BMP6: variants seen among roughly 807,000 people sequenced by gnomAD.
BMP6 encodes the protein VG-1-R.
A neutral mutation model predicts 54.1 loss-of-function variants in BMP6; 17 were observed. That is an observed-to-expected ratio of 0.31 (90% CI 0.22 to 0.47). The LOEUF (loss-of-function observed/expected upper bound fraction) is 0.47, where lower values mean the gene tolerates loss of function less well. BMP6 is among the 20% of genes least tolerant of loss of function. BMP6 has a pLI of 1.00. For missense variants in BMP6, 720 were observed against 690.4 expected (o/e 1.04, Z -0.48); for synonymous variants, 328 against 291.2 (o/e 1.13, Z -1.28).
chr6:7,821,042 C>T (rs1297721363), intron 1 of BMP6, among the ~76,000 whole-genome samples: 2 of 152,262 alleles, frequency 1.3e-5, no homozygotes, highest in African/African-American at 4.8e-5. Flanking sequence ...AGGGCACAGG[C>T]CAGTGCCTCG....
intron 1 of BMP6, among the ~76,000 whole-genome samples, chr6:7,769,351 C>T (rs1757747270): frequency 6.6e-6 from 1 of 152,192 alleles, no homozygotes; most frequent in Non-Finnish European, 1.5e-5. Context: ...AGTTACACCC[C>T]ATCCAAATCA....
chr6:7,809,122 A>G (rs998561621), intron 1 of BMP6, among the ~76,000 whole-genome samples: 3 of 147,420 alleles, frequency 2.0e-5, no homozygotes, highest in Admixed American at 1.4e-4. Context: ...CCCCCCAAAA[A>G]AAAAACGCTT....
rs542897943 is a variant in BMP6 at position 7,880,601 on chromosome 6, T to C, written c.*258T>C. The C allele has an allele frequency of 6.0e-6, 3 of 500,170 alleles. No homozygotes were observed. The highest frequency in any genetic ancestry group is 1.1e-5 in the Non-Finnish European group (3 of 281,282). The allele number at this position is 500,170 out of a possible 1,614,324, so 31.0% of individuals were successfully genotyped here. On this transcript the variant is annotated 3_prime_UTR_variant, in exon 7 of 7. Transcript: ENST00000283147. ...ATAAGGTCTGGTAACTGCAGAAACA[T>C]AACCGTGAAGCTCTTCCTACCCTCC...
rs186946446 is a variant in BMP6 at position 7,773,933 on chromosome 6, G to A, written c.664+46314G>A. On this transcript the variant is annotated intron_variant, in intron 1 of 6. Transcript: ENST00000283147. ...ATAATGGCATTTTATCCACTTGGTC[G>A]TTATTCCCTGGGAATGTATGAAAGG... Among the ~76,000 whole-genome samples the A allele has an allele frequency of 2.3e-3, 357 of 152,246 alleles. 2 individuals carry two copies. The highest frequency in any genetic ancestry group is 7.9e-3 in the African/African-American group (329 of 41,534).
chr6:7,869,476 G>T (rs1759485463), intron 4 of BMP6, among the ~76,000 whole-genome samples: 1 of 152,230 alleles, frequency 6.6e-6, no homozygotes, highest in South Asian at 2.1e-4. Context: ...CAGTGCATGT[G>T]CCGCTGCCTG....
chr6:7,809,248 G>C (rs893568627), intron 1 of BMP6, among the ~76,000 whole-genome samples: 23 of 152,216 alleles, frequency 1.5e-4, no homozygotes, highest in African/African-American at 4.6e-4. Flanking sequence ...TAAACTCATT[G>C]GAATGAGTGG....
chr6:7,852,656 C>T (rs1759162795), intron 2 of BMP6, among the ~76,000 whole-genome samples: 1 of 152,182 alleles, frequency 6.6e-6, no homozygotes, highest in South Asian at 2.1e-4. Flanking sequence ...AGCCCCTCTT[C>T]CTTGGTGGAC....
intron 1 of BMP6, among the ~76,000 whole-genome samples, chr6:7,778,012 C>T (rs376168630): frequency 2.9e-4 from 44 of 152,208 alleles, no homozygotes; most frequent in African/African-American, 8.7e-4. Context: ...ATTACCTGTT[C>T]GTTCAGAAGT....
intron 1 of BMP6, among the ~76,000 whole-genome samples, chr6:7,759,985 G>A (rs542941921): frequency 1.3e-5 from 2 of 151,328 alleles, no homozygotes; most frequent in South Asian, 2.1e-4. Flanking sequence ...GATTACAGGT[G>A]TGAGCCACTA....
intron 4 of BMP6, among the ~76,000 whole-genome samples, chr6:7,863,253 C>T (rs942542251): frequency 6.6e-6 from 1 of 152,216 alleles, no homozygotes; most frequent in African/African-American, 2.4e-5. Flanking sequence ...CCACCTTGGC[C>T]TCCCAAAGTG....
chr6:7,834,897 T>C (rs2113240577), intron 1 of BMP6, among the ~76,000 whole-genome samples: 1 of 152,284 alleles, frequency 6.6e-6, no homozygotes, highest in South Asian at 2.1e-4. Context: ...CTAAAACAAA[T>C]GGCAGAGAGG....
Position 7,861,443 on chromosome 6 carries a change from T to C in BMP6, c.858-8T>C, listed in dbSNP as rs1759333288. 1 of 1,613,174 alleles carries C rather than the reference T, an allele frequency of 6.2e-7. No individual in the cohort carries two copies. Among genetic ancestry groups the C allele is most frequent in the Non-Finnish European group, 8.5e-7 (1 of 1,179,662 alleles). On this transcript the variant is annotated splice_region_variant and splice_polypyrimidine_tract_variant and intron_variant, in intron 2 of 6. Transcript: ENST00000283147. The stretch of plus-strand genomic sequence containing the variant: ...GCTATTTACCAGGCCATTTTTTCTT[T>C]CTTTCAGAGACTCTGACCTGTTTTT...
At chr6:7,819,766 C>G (rs902824840) in intron 1 of BMP6, among the ~76,000 whole-genome samples, 1 of 152,164 alleles carries the variant, frequency 6.6e-6, no homozygotes, top group East Asian at 1.9e-4. Context: ...TTTCCATCTT[C>G]CAGCTGGAGT....
intron 1 of BMP6, among the ~76,000 whole-genome samples, chr6:7,763,279 A>G (rs1412491052): frequency 1.3e-5 from 2 of 152,170 alleles, no homozygotes; most frequent in Non-Finnish European, 2.9e-5. Flanking sequence ...ATACCCCTTT[A>G]CTTTGAAACA....
At chr6:7,813,355 C>T (rs191037529) in intron 1 of BMP6, among the ~76,000 whole-genome samples, 9 of 137,424 alleles carry the variant, frequency 6.5e-5, no homozygotes, top group South Asian at 2.3e-4. Flanking sequence ...GATATGATGG[C>T]GTATACCTGT....
chr6:7,843,298 A>T (rs540199422), intron 1 of BMP6, among the ~76,000 whole-genome samples: 1 of 152,162 alleles, frequency 6.6e-6, no homozygotes, highest in South Asian at 2.1e-4. Flanking sequence ...AATCTAAAAA[A>T]TGTGTTGTGT....
intron 1 of BMP6, among the ~76,000 whole-genome samples, chr6:7,815,183 G>A (rs1036295717): frequency 1.3e-5 from 2 of 152,118 alleles, no homozygotes; most frequent in Non-Finnish European, 2.9e-5. Flanking sequence ...CAAGCTATTA[G>A]AGTCATTACT....
At position 7,879,088 on chromosome 6, in the gene BMP6, G is replaced by C; in HGVS notation, c.1219G>C (p.Glu407Gln). 6.2e-7 allele frequency: 1 copy of C among 1,614,190 alleles called. No homozygotes were observed. The highest frequency in any genetic ancestry group is 1.3e-5 in the African/African-American group (1 of 75,050). Residue 407 changes from glutamate to glutamine, a missense_variant, in exon 5 of 7, where the codon GAA becomes CAA. By Grantham distance (29) the Glu-to-Gln change is conservative (BLOSUM62 2). Transcript: ENST00000283147. ...TCCTCCAACAGATTACAACAGCAGT[G>C]AATTGAAAACAGCCTGCAGGAAGCA... ...VSSASDYNSS[E>Q]LKTACRKHEL...
intron 1 of BMP6, among the ~76,000 whole-genome samples, chr6:7,751,367 A>C (rs958793622): frequency 6.6e-6 from 1 of 152,216 alleles, no homozygotes. Context: ...TACCCATCCC[A>C]AATGCTTAGT....
Sources: allele counts gnomAD v4.1 joint callset (sites outside exome capture counted in the v4.1 genomes callset), GRCh38; gene constraint gnomAD v4.1.1; transcripts MANE v1.5; gene names NCBI Gene and HGNC (gene_info 2026-07-23, HGNC 2026-07-21).